The following MED1 variants were observed in gnomAD, a reference collection of about 807,000 sequenced individuals.
MED1 encodes mediator complex subunit 1, also known as mediator of RNA polymerase II transcription subunit 1.
In MED1, 17 loss-of-function variants were observed where a neutral mutation model predicts 121.3. The ratio of observed to expected loss-of-function variants is 0.14; its 90% CI spans 0.10 to 0.21. The LOEUF (loss-of-function observed/expected upper bound fraction) is 0.21. Ranked by LOEUF, MED1 falls within the 10% of genes least tolerant of loss-of-function variation. The probability of loss-of-function intolerance (pLI) is 1.00; values close to 1 mark genes in which losing one functional copy is unlikely to be tolerated. For synonymous variants in MED1, 661 were observed against 694.4 expected, an observed-to-expected ratio of 0.95 and a Z score of 0.76; for missense variants, 1,558 against 1,919.4, an observed-to-expected ratio of 0.81 and a Z score of 3.52.
chr17:39,435,290 C>T (rs1357555550), intron 6 of MED1, among the ~76,000 whole-genome samples: 1 of 152,026 alleles, frequency 6.6e-6, no homozygotes. Flanking sequence ...GTAGTGGGTA[C>T]TCTCGAGGCA....
chr17:39,417,384 T>G (rs1255977513), intron 14 of MED1, among the ~76,000 whole-genome samples: 2 of 148,404 alleles, frequency 1.3e-5, no homozygotes, highest in Non-Finnish European at 3.0e-5. Flanking sequence ...ATCCCAGCAC[T>G]CTGGGAGGCT....
At position 39,408,347 on chromosome 17, in the gene MED1, C is replaced by T. The variant is rs746401810; in HGVS notation, c.3874G>A (p.Gly1292Arg). ...SSQNQHGSSK[G>R]KSPSRNKKPS... ...TTCTTGTTTCTGCTGGGAGATTTTC[C>T]TTTAGAACTCCCATGCTGGTTCTGA... Residue 1292 changes from glycine to arginine, a missense_variant, in exon 17 of 17, where the codon GGA (glycine) becomes AGA (arginine). Physicochemically the swap from Gly to Arg is moderately radical, Grantham distance 125. This residue lies in a region of MED1 where 793 missense variants were observed against 898.2 expected (regional missense o/e 0.88). Transcript: ENST00000300651. The surrounding 1 kb of genome is among the most constrained non-coding windows in gnomAD (Gnocchi z 4.7). 6.8e-6 allele frequency: 11 copies of T among 1,614,150 alleles called. No homozygotes were observed. The East Asian group carries it at 2.5e-4, about 36-fold the overall frequency.
intron 1 of MED1, among the ~76,000 whole-genome samples, chr17:39,449,218 T>C (rs895721763): frequency 3.3e-5 from 5 of 152,182 alleles, no homozygotes; most frequent in Non-Finnish European, 7.3e-5. Flanking sequence ...TCTCGCTCTG[T>C]CGCCCAGGTT....
intron 16 of MED1, among the ~76,000 whole-genome samples, chr17:39,414,545 C>G (rs1395857284): frequency 6.7e-6 from 1 of 148,448 alleles, no homozygotes; most frequent in African/African-American, 2.5e-5. Context: ...CTGTGTTAGC[C>G]AGGATGGTCT....
chr17:39,434,111 G>T, intron 7 of MED1, 138 bp downstream of exon 7: 1 of 583,804 alleles, frequency 1.7e-6, no homozygotes. Flanking sequence ...AATGTTGGAA[G>T]CTGAGCTACA....
At chr17:39,447,650 G>A (rs2048741333) in intron 2 of MED1, 148 bp downstream of exon 2, 1 of 503,438 alleles carries the variant, frequency 2.0e-6, no homozygotes. Flanking sequence ...TCAACCTGTA[G>A]TATAGATACA....
Position 39,408,213 on chromosome 17 carries a change from G to A in MED1, c.4008C>T (p.Ser1336=). Reference sequence around the variant, plus strand: ...TATGTTTGGAGGACATAGGATGGCTGGAAGAATTTGTGCTCACCCCCATCT... The same window carrying A: ...TATGTTTGGAGGACATAGGATGGCTAGAAGAATTTGTGCTCACCCCCATCT... ...DGQMGVSTNS[S]SHPMSSKHNM... Residue 1336 remains serine, a synonymous_variant, in exon 17 of 17, where the codon TCC becomes TCT. Transcript: ENST00000300651. This position sits in a 1 kb window ranked among gnomAD's most constrained non-coding sequence, Gnocchi z 4.7. The A allele has an allele frequency of 2.5e-6, 4 of 1,614,082 alleles. No individual in the cohort carries two copies. The highest frequency in any genetic ancestry group is 2.2e-5 in the East Asian group (1 of 44,880).
At chr17:39,413,730 G>A (rs988619916) in intron 16 of MED1, among the ~76,000 whole-genome samples, 3 of 151,394 alleles carry the variant, frequency 2.0e-5, no homozygotes, top group Non-Finnish European at 4.4e-5. Flanking sequence ...TGAGACTCTT[G>A]TCTCAAAATA....
chr17:39,410,477 T>A lies in MED1; in HGVS notation c.1744A>T (p.Ile582Phe). 1 of 1,614,176 alleles carries A rather than the reference T, an allele frequency of 6.2e-7. No homozygotes were observed. Among genetic ancestry groups the A allele is most frequent in the Non-Finnish European group, 8.5e-7 (1 of 1,180,040 alleles). Reference protein sequence around the residue: ...ITTLFNMSMSIKDRHESVGHG... With the variant: ...ITTLFNMSMSFKDRHESVGHG... Reference sequence around the variant, plus strand: ...CCCACCGACTCATGCCGATCTTTGATGCTCATGCTCATATTAAACAAGGTG... The same window carrying A: ...CCCACCGACTCATGCCGATCTTTGAAGCTCATGCTCATATTAAACAAGGTG... Residue 582 changes from isoleucine (I) to phenylalanine (F), a missense_variant, in exon 17 of 17, where the codon ATC becomes TTC. Coordinates refer to ENST00000300651, the MANE Select transcript of MED1 (RefSeq NM_004774.4).
chr17:39,419,652 A>C, intron 14 of MED1, 65 bp downstream of exon 14: 1 of 1,493,092 alleles, frequency 6.7e-7, no homozygotes, highest in Non-Finnish European at 9.3e-7. Flanking sequence ...TGGGCCACCA[A>C]TTAAAGAACC....
chr17:39,420,269 G>A (rs1320104293), intron 13 of MED1, among the ~76,000 whole-genome samples: 1 of 146,594 alleles, frequency 6.8e-6, no homozygotes, highest in Non-Finnish European at 1.5e-5. Flanking sequence ...GTGCGATCTC[G>A]GCTCACTGCA....
chr17:39,417,607 C>CGACA (rs1334107725), intron 14 of MED1, among the ~76,000 whole-genome samples: 2 of 150,148 alleles, frequency 1.3e-5, no homozygotes, highest in Non-Finnish European at 3.0e-5. Flanking sequence ...CCAGCCTGGG[C>CGACA]GACAGAGCGA....
At chr17:39,442,596 C>CG (rs1245356272) in intron 3 of MED1, among the ~76,000 whole-genome samples, 4 of 62,602 alleles carry the variant, frequency 6.4e-5, no homozygotes, top group African/African-American at 1.5e-4. Flanking sequence ...GACACCGTCT[C>CG]GGAAAAAAAA....
intron 13 of MED1, among the ~76,000 whole-genome samples, chr17:39,422,289 G>T (rs1407828848): frequency 7.0e-6 from 1 of 143,254 alleles, no homozygotes; most frequent in Non-Finnish European, 1.5e-5. Flanking sequence ...TCAGCCTCCC[G>T]AGTAGCTGGG....
chr17:39,420,449 C>G (rs1179518323), intron 13 of MED1, among the ~76,000 whole-genome samples: 2 of 152,080 alleles, frequency 1.3e-5, no homozygotes, highest in African/African-American at 4.8e-5. Context: ...GATCCACCCA[C>G]CTGGGCCTCC....
In MED1 at chr17:39,410,448, A is replaced by T; in HGVS notation, c.1773T>A (p.His591Gln). The T allele has an allele frequency of 6.2e-7, 1 of 1,613,974 alleles. No individual in the cohort carries two copies. Among genetic ancestry groups the T allele is most frequent in the Non-Finnish European group, 8.5e-7 (1 of 1,180,002 alleles). ...SIKDRHESVGHGEDFSKVSQN... is the reference protein window; with the variant it reads ...SIKDRHESVGQGEDFSKVSQN... ...GAGACACCTTGCTGAAGTCCTCCCC[A>T]TGGCCCACCGACTCATGCCGATCTT... Residue 591 changes from histidine (H) to glutamine (Q), a missense_variant, in exon 17 of 17, where the codon CAT becomes CAA. By Grantham distance (24) the His-to-Gln change is conservative (BLOSUM62 0). Transcript: ENST00000300651.
At chr17:39,412,421 T>C (rs1597853185) in intron 16 of MED1, among the ~76,000 whole-genome samples, 4 of 150,354 alleles carry the variant, frequency 2.7e-5, no homozygotes, top group South Asian at 2.1e-4. Flanking sequence ...AGAGACAGGG[T>C]TTCTCCATGT....
chr17:39,412,861 G>A (rs904252264), intron 16 of MED1, among the ~76,000 whole-genome samples: 14 of 152,028 alleles, frequency 9.2e-5, no homozygotes, highest in Admixed American at 9.2e-4. Flanking sequence ...AGGCCATATA[G>A]TAATCCGTTA....
rs1297506768 is a variant in MED1, at chr17:39,409,118, T to C, written c.3103A>G (p.Thr1035Ala). The C allele has an allele frequency of 3.7e-6, 6 of 1,614,142 alleles. No individual in the cohort carries two copies. The highest frequency in any genetic ancestry group is 5.1e-6 in the Non-Finnish European group (6 of 1,180,026). ...GGCGATTTAGATCCACCTGTACTGG[T>C]AGGTGGGGTAAAAGGTCTGTTAGAA... is the stretch of plus-strand genomic sequence containing the variant. ...SSSNRPFTPPTSTGGSKSPGS... is the reference protein window; with the variant it reads ...SSSNRPFTPPASTGGSKSPGS... The change falls in exon 17 of 17, where the codon ACC becomes GCC. Residue 1035 changes from threonine (T) to alanine (A), a missense_variant. Physicochemically the swap from Thr to Ala is moderately conservative, Grantham distance 58. Coordinates refer to ENST00000300651, the MANE Select transcript of MED1 (RefSeq NM_004774.4).
Sources: gnomAD v4.1 joint callset for allele counts (sites outside exome capture counted in the v4.1 genomes callset) on GRCh38, gnomAD v4.1.1 for gene constraint, gnomAD v4.1.1 regional missense constraint, Gnocchi (gnomAD v3.1) non-coding constraint, MANE v1.5 for transcripts, NCBI Gene and HGNC (gene_info 2026-07-23, HGNC 2026-07-21) for gene names.